CDH18: variants seen among roughly 807,000 people sequenced by gnomAD.
CDH18 encodes cadherin-18.
A neutral mutation model predicts 67.9 loss-of-function variants in CDH18; 31 were observed. The ratio of observed to expected loss-of-function variants is 0.46; its 90% confidence interval spans 0.34 to 0.62. The LOEUF (loss-of-function observed/expected upper bound fraction) is 0.62, where lower values mean the gene tolerates loss of function less well. Ranked by LOEUF, CDH18 falls within the 20% of genes least tolerant of loss-of-function variation. The pLI is 0.01. For synonymous variants in CDH18, 362 were observed against 347.2 expected, an observed-to-expected ratio of 1.04 and a Z score of -0.48; for missense variants, 890 against 975.5, an observed-to-expected ratio of 0.91 and a Z score of 1.17.
At chr5:19,728,469 T>C (rs1365918097) in intron 4 of CDH18, among the ~76,000 whole-genome samples, 3 of 152,186 alleles carry the variant, frequency 2.0e-5, no homozygotes, top group African/African-American at 7.2e-5. Flanking sequence ...AGATATCTTT[T>C]CTACAATAAA....
At chr5:20,528,397 G>C (rs1756198078) in intron 1 of CDH18, among the ~76,000 whole-genome samples, 1 of 152,002 alleles carries the variant, frequency 6.6e-6, no homozygotes, top group South Asian at 2.1e-4. Flanking sequence ...TCTGGACCAA[G>C]TGGACCTCAT....
intron 2 of CDH18, among the ~76,000 whole-genome samples, chr5:19,939,594 C>G (rs1383816909): frequency 2.0e-5 from 3 of 151,718 alleles, no homozygotes; most frequent in Non-Finnish European, 4.4e-5. Flanking sequence ...ATATTTGCAA[C>G]TCCGTGTTCA....
At chr5:20,280,231 T>C (rs946557565) in intron 1 of CDH18, among the ~76,000 whole-genome samples, 13 of 152,090 alleles carry the variant, frequency 8.5e-5, no homozygotes, top group African/African-American at 1.2e-4. Flanking sequence ...TATTATACTT[T>C]AAGTTTTAGG....
chr5:19,607,920 A>G (rs1426842199), intron 6 of CDH18, among the ~76,000 whole-genome samples: 1 of 151,726 alleles, frequency 6.6e-6, no homozygotes, highest in Non-Finnish European at 1.5e-5. Context: ...ATAGACATAT[A>G]TTTCACAATA....
chr5:19,723,306 G>A (rs1330648633), intron 4 of CDH18, among the ~76,000 whole-genome samples: 2 of 151,906 alleles, frequency 1.3e-5, no homozygotes, highest in African/African-American at 4.8e-5. Flanking sequence ...CTTCCATGTT[G>A]AACTTCAGAC....
At chr5:20,412,660 T>C (rs529979179) in intron 1 of CDH18, among the ~76,000 whole-genome samples, 3 of 151,952 alleles carry the variant, frequency 2.0e-5, no homozygotes, top group Non-Finnish European at 4.4e-5. Flanking sequence ...CAAAAAATTG[T>C]ATTAAAAACT....
chr5:20,312,089 A>G (rs544507435), intron 1 of CDH18, among the ~76,000 whole-genome samples: 4 of 152,292 alleles, frequency 2.6e-5, no homozygotes, highest in Admixed American at 1.3e-4. Context: ...AATTGTCAGT[A>G]TTCTTTTTCC....
chr5:19,938,245 G>A (rs1185272734), intron 2 of CDH18, among the ~76,000 whole-genome samples: 2 of 150,880 alleles, frequency 1.3e-5, no homozygotes, highest in Admixed American at 1.3e-4. Flanking sequence ...TAGGGATGAG[G>A]GACTCAATGA....
intron 2 of CDH18, among the ~76,000 whole-genome samples, chr5:20,058,644 C>CA (rs1742202213): frequency 6.6e-6 from 1 of 152,018 alleles, no homozygotes; most frequent in Non-Finnish European, 1.5e-5. Flanking sequence ...AAACATACCT[C>CA]AAAAAATTAA....
At chr5:20,019,779 G>A (rs1411828079) in intron 2 of CDH18, among the ~76,000 whole-genome samples, 1 of 152,202 alleles carries the variant, frequency 6.6e-6, no homozygotes, top group Non-Finnish European at 1.5e-5. Context: ...CAGGGGTGGG[G>A]CATTGCTATA....
rs114861380 is a variant in CDH18 at position 20,371,671 on chromosome 5, G to A, written c.-579-116166C>T. On this transcript the variant is annotated intron_variant, in intron 1 of 14. Coordinates refer to the CDH18 transcript ENST00000507958. The stretch of plus-strand genomic sequence containing the variant: ...CTTTTAAGATGGGAGACATAAGAAC[G>A]TTCACATGCTAATGAAAGCAGGTTC... 2.4e-3 allele frequency among the ~76,000 whole-genome samples: 370 copies of A among 152,316 alleles called. 4 individuals are homozygous for A. The highest frequency in any genetic ancestry group is 8.4e-3 in the African/African-American group (349 of 41,578).
At chr5:19,559,924 AC>A (rs200286935) in intron 8 of CDH18, among the ~76,000 whole-genome samples, 6,316 of 148,192 alleles carry the variant, frequency 0.043, 243 homozygotes, top group Admixed American at 0.076. Context: ...GCAAAAACAA[AC>A]AAAAAAAAAA....
rs202130030 is a variant in CDH18, at chr5:20,419,462, G to GTTTTTTT, written c.-580+155993_-580+155999dup. ...CCAACCACCCAGGGTATGGGACTCT[G>GTTTTTTT]TTTTTTTTTTTTTTTTTTTTTTTTT... On this transcript the variant is annotated intron_variant, in intron 1 of 14. Coordinates refer to the CDH18 transcript ENST00000507958. Among the ~76,000 whole-genome samples the GTTTTTTT allele has an allele frequency of 1.3e-3, 102 of 75,650 alleles. 16 individuals carry two copies. Among genetic ancestry groups the GTTTTTTT allele is most frequent in the South Asian group, 3.5e-3 (9 of 2,546 alleles). 49.6% of individuals were successfully genotyped at this position (75,650 alleles called of 152,430 possible).
intron 1 of CDH18, among the ~76,000 whole-genome samples, chr5:20,403,675 T>G (rs575656556): frequency 6.4e-4 from 97 of 152,292 alleles, no homozygotes; most frequent in African/African-American, 2.2e-3. Context: ...GTTTCTGTCA[T>G]CCAGGCTTTG....
At chr5:20,060,046 G>A (rs1742325853) in intron 2 of CDH18, among the ~76,000 whole-genome samples, 1 of 152,070 alleles carries the variant, frequency 6.6e-6, no homozygotes, top group Non-Finnish European at 1.5e-5. Flanking sequence ...GATGGGTGTA[G>A]CAAACCACCA....
chr5:20,003,629 T>C (rs909562115), intron 2 of CDH18, among the ~76,000 whole-genome samples: 2 of 152,168 alleles, frequency 1.3e-5, no homozygotes, highest in Non-Finnish European at 2.9e-5. Context: ...TCGCGGTGGC[T>C]CAAGCCTGTA....
intron 2 of CDH18, among the ~76,000 whole-genome samples, chr5:20,203,148 T>C (rs74493795): frequency 0.011 from 1,691 of 152,286 alleles, 32 homozygotes; most frequent in African/African-American, 0.038. Flanking sequence ...GTTTCTGTAC[T>C]GGGAATAATG....
chr5:20,534,738 A>G (rs1756613879), intron 1 of CDH18, among the ~76,000 whole-genome samples: 1 of 151,994 alleles, frequency 6.6e-6, no homozygotes, highest in Admixed American at 6.6e-5. Flanking sequence ...TTTGTTTACC[A>G]AAAATATATT....
At chr5:20,390,843 T>A (rs181704978) in intron 1 of CDH18, among the ~76,000 whole-genome samples, 6 of 152,084 alleles carry the variant, frequency 3.9e-5, no homozygotes, top group African/African-American at 1.2e-4. Context: ...TGTAGGGACA[T>A]GAACGAAGCT....
Sources: allele counts gnomAD v4.1 joint callset (sites outside exome capture counted in the v4.1 genomes callset), GRCh38; gene constraint gnomAD v4.1.1; transcripts MANE v1.5; gene names NCBI Gene and HGNC (gene_info 2026-07-23, HGNC 2026-07-21).